EMILIN2: variants seen among roughly 807,000 people sequenced by gnomAD.
EMILIN2 encodes the protein EMILIN-2.
In EMILIN2, 71 loss-of-function variants were observed where a neutral mutation model predicts 87.1. The ratio of observed to expected loss-of-function variants is 0.82; its 90% CI spans 0.67 to 0.99. EMILIN2 has a LOEUF of 0.99. Ranked by LOEUF, EMILIN2 falls within the 50% of genes least tolerant of loss-of-function variation. EMILIN2 has a pLI of 0.00. For missense variants in EMILIN2, 1,407 were observed against 1,371.8 expected, an observed-to-expected ratio of 1.03 and a Z score of -0.40; for synonymous variants, 581 against 563.4, an observed-to-expected ratio of 1.03 and a Z score of -0.44.
At chr18:2,912,989 C>A in intron 7 of EMILIN2, 78 bp from the exon 8 acceptor site, 1 of 1,473,212 alleles carries the variant, frequency 6.8e-7, no homozygotes, top group Non-Finnish European at 9.3e-7. Flanking sequence ...CCAGGTTAAT[C>A]ACTGGGGGGC....
chr18:2,871,611 C>T (rs1317887722), intron 2 of EMILIN2, among the ~76,000 whole-genome samples: 4 of 152,152 alleles, frequency 2.6e-5, no homozygotes, highest in African/African-American at 7.2e-5. Context: ...TGGCACTGAG[C>T]GGGGATCTGT....
chr18:2,871,873 A>G (rs2076721617), intron 2 of EMILIN2, among the ~76,000 whole-genome samples: 1 of 152,206 alleles, frequency 6.6e-6, no homozygotes, highest in African/African-American at 2.4e-5. Context: ...AAATAAATAC[A>G]TTGTATATAA....
At chr18:2,876,402 G>A (rs1041721849) in intron 2 of EMILIN2, among the ~76,000 whole-genome samples, 1 of 152,124 alleles carries the variant, frequency 6.6e-6, no homozygotes, top group East Asian at 1.9e-4. Context: ...CTTTTGTACT[G>A]GGAAACAGTC....
In EMILIN2 at chr18:2,890,900, G is replaced by T. The variant is rs1462676141; in HGVS notation, c.773G>T (p.Gly258Val). 4 of 1,613,988 alleles carry T rather than the reference G, an allele frequency of 2.5e-6. 1 individual carries two copies. Among genetic ancestry groups the T allele is most frequent in the Admixed American group, 1.7e-5 (1 of 60,026 alleles). The change falls in exon 4 of 8, where the codon GGC becomes GTC. Residue 258 changes from glycine (G) to valine (V), a missense_variant. Gly to Val is a moderately radical substitution (Grantham distance 109, BLOSUM62 -3). Transcript: ENST00000254528. The surrounding 1 kb of genome is among the most constrained non-coding windows in gnomAD (Gnocchi z 4.7). The stretch of plus-strand genomic sequence containing the variant: ...GGTGTCTTCAACACTAAGGAATCTG[G>T]CATGAAGGACATCAAGTCTGAATTG... ...SPGVFNTKES[G>V]MKDIKSELAE...
At chr18:2,856,564 G>A (rs561897004) in intron 2 of EMILIN2, among the ~76,000 whole-genome samples, 25 of 152,268 alleles carry the variant, frequency 1.6e-4, no homozygotes, top group South Asian at 6.2e-4. Context: ...CATGTGCTGC[G>A]TGTACATAAT....
intron 4 of EMILIN2, among the ~76,000 whole-genome samples, chr18:2,905,304 G>T (rs1318770939): frequency 1.0e-5 from 1 of 98,356 alleles, no homozygotes; most frequent in African/African-American, 3.9e-5. Context: ...GTGGGGCGGG[G>T]GGGGGGCATG....
chr18:2,864,287 C>T (rs1489397576), intron 2 of EMILIN2, among the ~76,000 whole-genome samples: 1 of 152,138 alleles, frequency 6.6e-6, no homozygotes, highest in African/African-American at 2.4e-5. Context: ...TTATTTTGCT[C>T]ATTAGTTGAT....
Position 2,891,874 on chromosome 18 carries a change from T to A in EMILIN2, c.1747T>A (p.Leu583Met). 6.2e-7 allele frequency: 1 copy of A among 1,614,234 alleles called. No homozygotes were observed. Among genetic ancestry groups the A allele is most frequent in the Non-Finnish European group, 8.5e-7 (1 of 1,180,042 alleles). The change falls in exon 4 of 8, where the codon TTG becomes ATG. Residue 583 changes from leucine to methionine, a missense_variant. Physicochemically the swap from Leu to Met is conservative, Grantham distance 15 (BLOSUM62 2). Transcript: ENST00000254528. This position sits in a 1 kb window ranked among gnomAD's most constrained non-coding sequence, Gnocchi z 4.6. ...CGCAGTACGCGACAGCCTGCACCTT[T>A]TGAAATCTCTCAACGACACGATGCA... Reference protein sequence around the residue: ...DRAVRDSLHLLKSLNDTMHRK... With the variant: ...DRAVRDSLHLMKSLNDTMHRK...
intron 2 of EMILIN2, among the ~76,000 whole-genome samples, chr18:2,881,075 C>T (rs1331244513): frequency 6.6e-6 from 1 of 152,178 alleles, no homozygotes; most frequent in African/African-American, 2.4e-5. Flanking sequence ...GTGGGAACCC[C>T]TTTCTGCTGG....
At chr18:2,906,244 G>C (rs1301430955) in intron 4 of EMILIN2, 1 of 152,274 alleles carries the variant, frequency 6.6e-6, no homozygotes, top group African/African-American at 2.4e-5. Context: ...AGCTTCCTCC[G>C]TTGGAAGTCC....
rs985323225 is a variant in EMILIN2 at position 2,896,269 on chromosome 18, G to A, written c.2359+3783G>A. Among the ~76,000 whole-genome samples, 9 of 152,084 alleles carry A rather than the reference G, an allele frequency of 5.9e-5. 1 individual carries two copies. Among genetic ancestry groups the A allele is most frequent in the Middle Eastern group, 6.8e-3 (2 of 294 alleles). On this transcript the variant is annotated intron_variant, in intron 4 of 7. Transcript: ENST00000254528. ...TGGCTCACTGCAACCTCCGCCTCCCGGGTTCAAGCGATTCTCCTGCCTCAG... is the reference window on the plus strand; with the variant it reads ...TGGCTCACTGCAACCTCCGCCTCCCAGGTTCAAGCGATTCTCCTGCCTCAG...
At chr18:2,910,401 A>C (rs947597715) in intron 7 of EMILIN2, among the ~76,000 whole-genome samples, 3 of 152,122 alleles carry the variant, frequency 2.0e-5, no homozygotes, top group African/African-American at 7.2e-5. Context: ...CCCAAGGATC[A>C]TGGGTGTGGA....
intron 3 of EMILIN2, among the ~76,000 whole-genome samples, chr18:2,888,153 A>G (rs2076812019): frequency 6.6e-6 from 1 of 152,086 alleles, no homozygotes; most frequent in Non-Finnish European, 1.5e-5. Context: ...TTTCCTGTTA[A>G]ATTTTTGCAC....
At chr18:2,862,200 C>G (rs1402125627) in intron 2 of EMILIN2, among the ~76,000 whole-genome samples, 2 of 152,134 alleles carry the variant, frequency 1.3e-5, no homozygotes, top group African/African-American at 4.8e-5. Flanking sequence ...TTGACTTCCT[C>G]CTTTCCTAAT....
In EMILIN2 at chr18:2,915,493, C is replaced by A. The variant is rs2076963169; in HGVS notation, c.*2089C>A. ...CGAGTCAGTCAGAGGCATACCAAACCCTGAGACAGAATCAGGCACAAGTTC... is the reference window on the plus strand; with the variant it reads ...CGAGTCAGTCAGAGGCATACCAAACACTGAGACAGAATCAGGCACAAGTTC... On this transcript the variant is annotated 3_prime_UTR_variant, in exon 8 of 8. Coordinates refer to ENST00000254528, the MANE Select transcript of EMILIN2 (RefSeq NM_032048.3). The A allele has an allele frequency of 6.6e-6, 1 of 151,972 alleles. No homozygotes were observed. The highest frequency in any genetic ancestry group is 6.6e-5 in the Admixed American group (1 of 15,258). 9.4% of individuals were successfully genotyped at this position (151,972 alleles called of 1,614,324 possible).
intron 2 of EMILIN2, among the ~76,000 whole-genome samples, chr18:2,854,093 CCT>C (rs2076615078): frequency 6.6e-6 from 1 of 152,032 alleles, no homozygotes; most frequent in Admixed American, 6.6e-5. Flanking sequence ...AGGATTATTC[CCT>C]CTGAGTTCAC....
chr18:2,859,613 C>G (rs2076650637), intron 2 of EMILIN2, among the ~76,000 whole-genome samples: 1 of 152,108 alleles, frequency 6.6e-6, no homozygotes, highest in Non-Finnish European at 1.5e-5. Flanking sequence ...GTTGCATGTG[C>G]TTTTGCATTC....
At chr18:2,846,740 G>C (rs1175157537), upstream of EMILIN2, 2 of 985,262 alleles carry the variant, frequency 2.0e-6, no homozygotes, top group East Asian at 1.1e-4. This position sits in a 1 kb window ranked among gnomAD's most constrained non-coding sequence, Gnocchi z 5.3. Context: ...CGAGCCTGTC[G>C]GAAGGTGGGA....
chr18:2,863,337 G>C (rs2076670669), intron 2 of EMILIN2, among the ~76,000 whole-genome samples: 1 of 152,026 alleles, frequency 6.6e-6, no homozygotes, highest in Non-Finnish European at 1.5e-5. Flanking sequence ...GATCTTTCCT[G>C]CTTTCTCTTG....
Sources: allele counts gnomAD v4.1 joint callset (sites outside exome capture counted in the v4.1 genomes callset), GRCh38; gene constraint gnomAD v4.1.1; non-coding constraint Gnocchi (gnomAD v3.1); transcripts MANE v1.5; gene names NCBI Gene and HGNC (gene_info 2026-07-23, HGNC 2026-07-21).